Variants in CALN1 observed in about 807,000 individuals in gnomAD.
CALN1 encodes calcium-binding protein 8.
Under a neutral mutation model 30.6 loss-of-function variants are expected in CALN1, and 17 were observed. The ratio of observed to expected loss-of-function variants is 0.56; its 90% CI spans 0.38 to 0.83. The LOEUF is 0.83. Ranked by LOEUF, CALN1 falls within the 40% of genes least tolerant of loss-of-function variation. The pLI, the probability that CALN1 is intolerant of heterozygous loss-of-function variation, is 0.00. For missense variants in CALN1, 291 were observed against 354.9 expected (o/e 0.82, Z 1.45); for synonymous variants, 156 against 131.4 (o/e 1.19, Z -1.28).
At chr7:71,951,491 T>C (rs1796689537) in intron 5 of CALN1, among the ~76,000 whole-genome samples, 1 of 152,138 alleles carries the variant, frequency 6.6e-6, no homozygotes, top group African/African-American at 2.4e-5. Flanking sequence ...CTTGGGAGGC[T>C]GAGGCAAGAG....
intron 2 of CALN1, among the ~76,000 whole-genome samples, chr7:72,312,125 T>G (rs539248459): frequency 9.9e-5 from 15 of 152,126 alleles, no homozygotes; most frequent in African/African-American, 3.6e-4. Context: ...ACTCCCAGGC[T>G]GGGCGCAGTG....
chr7:72,271,575 A>AAAAAAAAAAAAAAT, intron 3 of CALN1, among the ~76,000 whole-genome samples: 2 of 52,126 alleles, frequency 3.8e-5, no homozygotes, highest in African/African-American at 2.7e-4. Context: ...AAAAAAAAAA[A>AAAAAAAAAAAAAAT]ATATATATAT....
At chr7:72,045,948 G>C (rs182682261) in intron 4 of CALN1, among the ~76,000 whole-genome samples, 33 of 144,892 alleles carry the variant, frequency 2.3e-4, no homozygotes, top group African/African-American at 8.3e-4. Context: ...GCAGTGAGCT[G>C]AGATCGTGCC....
At chr7:72,396,712 G>A (rs1805985788) in intron 2 of CALN1, among the ~76,000 whole-genome samples, 1 of 152,076 alleles carries the variant, frequency 6.6e-6, no homozygotes, top group Non-Finnish European at 1.5e-5. Flanking sequence ...GTTTCTGCCT[G>A]GGGTCTTTGT....
intron 3 of CALN1, among the ~76,000 whole-genome samples, chr7:72,156,297 G>A (rs980219181): frequency 2.0e-5 from 3 of 152,166 alleles, no homozygotes; most frequent in Non-Finnish European, 4.4e-5. Flanking sequence ...AAGGATTATA[G>A]GCAAAACTGC....
chr7:71,977,787 CCGT>C (rs1267399403), intron 5 of CALN1, among the ~76,000 whole-genome samples: 1 of 151,932 alleles, frequency 6.6e-6, no homozygotes, highest in Non-Finnish European at 1.5e-5. Flanking sequence ...TAAAAATTAA[CCGT>C]GCATGGTGGC....
the CALN1 span, among the ~76,000 whole-genome samples, chr7:72,452,164 A>G: frequency 5.3e-5 from 8 of 152,116 alleles, no homozygotes; most frequent in Admixed American, 3.3e-4. Flanking sequence ...TATTTTATGA[A>G]TATTTTGGAA....
At chr7:71,876,799 C>T (rs541991745) in intron 5 of CALN1, among the ~76,000 whole-genome samples, 59 of 152,248 alleles carry the variant, frequency 3.9e-4, no homozygotes, top group African/African-American at 1.3e-3. Context: ...ATATTGGGAC[C>T]CAGACTTCTC....
chr7:72,113,778 C>T (rs1807743853), intron 3 of CALN1, among the ~76,000 whole-genome samples: 1 of 152,174 alleles, frequency 6.6e-6, no homozygotes, highest in Admixed American at 6.5e-5. Context: ...ATACTCCGGA[C>T]TTTTCTTTTT....
intron 2 of CALN1, among the ~76,000 whole-genome samples, chr7:72,333,493 A>C (rs533074830): frequency 6.6e-6 from 1 of 152,320 alleles, no homozygotes; most frequent in Admixed American, 6.5e-5. Flanking sequence ...GAAATCTGCC[A>C]ATGTTCTGCT....
At position 72,278,768 on chromosome 7, in the gene CALN1, G is replaced by A; in HGVS notation, c.162C>T (p.Tyr54=). 2 of 1,613,926 alleles carry A rather than the reference G, an allele frequency of 1.2e-6. No individual in the cohort carries two copies. Among genetic ancestry groups the A allele is most frequent in the Non-Finnish European group, 8.5e-7 (1 of 1,179,866 alleles). ...PFHHVTAGLL[Y]KGNYLNRSLS... is the part of the protein sequence containing the mutation. ...GCGATCGGTTGAGGTAATTCCCCTT[G>A]TACAACAAGCCGGCGGTCACATGGT... is the stretch of plus-strand genomic sequence containing the variant. Residue 54 remains tyrosine, a synonymous_variant, in exon 3 of 7, where the codon TAC becomes TAT. Coordinates refer to ENST00000395275, the MANE Select transcript of CALN1 (RefSeq NM_031468.4).
At chr7:71,991,409 A>G (rs1242670874) in intron 5 of CALN1, among the ~76,000 whole-genome samples, 3 of 152,128 alleles carry the variant, frequency 2.0e-5, no homozygotes, top group African/African-American at 7.2e-5. Flanking sequence ...CGATGAGCTA[A>G]GATCATGCTA....
chr7:72,483,326 C>T, the CALN1 span, among the ~76,000 whole-genome samples: 10 of 143,284 alleles, frequency 7.0e-5, no homozygotes, highest in Admixed American at 5.0e-4. Flanking sequence ...GCTCTGTTGC[C>T]GAAGCTAGAG....
At chr7:72,333,025 T>TTTGTA in intron 2 of CALN1, among the ~76,000 whole-genome samples, 1 of 152,180 alleles carries the variant, frequency 6.6e-6, no homozygotes, top group Non-Finnish European at 1.5e-5. Flanking sequence ...GGTCACTTCT[T>TTTGTA]TTGTACCTCC....
At chr7:72,140,065 G>C (rs1485196065) in intron 3 of CALN1, among the ~76,000 whole-genome samples, 2 of 151,954 alleles carry the variant, frequency 1.3e-5, no homozygotes, top group Non-Finnish European at 2.9e-5. Context: ...CAGGCCAGGA[G>C]TTTGAAACCA....
At chr7:71,991,965 G>A (rs1229391761) in intron 5 of CALN1, among the ~76,000 whole-genome samples, 1 of 152,216 alleles carries the variant, frequency 6.6e-6, no homozygotes, top group Admixed American at 6.5e-5. Context: ...CACATAAACA[G>A]GCAGCTGTAA....
chr7:71,954,986 T>C (rs1435535281), intron 5 of CALN1, among the ~76,000 whole-genome samples: 2 of 152,140 alleles, frequency 1.3e-5, no homozygotes, highest in Non-Finnish European at 2.9e-5. Flanking sequence ...GTTGTCTAAG[T>C]ATGTTTGTAT....
chr7:72,411,460 A>C (rs12699140), intron 1 of CALN1, among the ~76,000 whole-genome samples: 3 of 152,192 alleles, frequency 2.0e-5, no homozygotes, highest in African/African-American at 7.2e-5. Context: ...AAACTCTGAA[A>C]TCTAGTTTGA....
At chr7:71,861,884 G>A (rs1298503730) in intron 5 of CALN1, among the ~76,000 whole-genome samples, 1 of 151,732 alleles carries the variant, frequency 6.6e-6, no homozygotes, top group Non-Finnish European at 1.5e-5. Context: ...ACCTTTCCAG[G>A]TCCTTTTCAG....
Sources: gnomAD v4.1 joint callset for allele counts (sites outside exome capture counted in the v4.1 genomes callset) on GRCh38, gnomAD v4.1.1 for gene constraint, MANE v1.5 for transcripts, NCBI Gene and HGNC (gene_info 2026-07-23, HGNC 2026-07-21) for gene names.